Variants in DHRS7C observed in about 807,000 individuals in gnomAD.
DHRS7C encodes the protein dehydrogenase/reductase 7C, also known as dehydrogenase/reductase SDR family member 7C.
Under a neutral mutation model 29.6 loss-of-function variants are expected in DHRS7C, and 28 were observed. The ratio of observed to expected loss-of-function variants is 0.95; its 90% CI spans 0.70 to 1.30. The LOEUF is 1.30. Ranked by LOEUF, DHRS7C falls within the 50% of genes most tolerant of loss-of-function variation. The pLI, the probability that DHRS7C is intolerant of heterozygous loss-of-function variation, is 0.00. For synonymous variants in DHRS7C, 158 were observed against 160.2 expected (o/e 0.99, Z 0.10); for missense variants, 403 against 393.3 (o/e 1.02, Z -0.21).
chr17:9,783,025 G>A (rs1241465657), intron 1 of DHRS7C: 1 of 152,384 alleles, frequency 6.6e-6, no homozygotes, highest in Non-Finnish European at 1.5e-5. Flanking sequence ...GTATTGGAGA[G>A]ATGGAGGAAT....
chr17:9,777,778 T>C (rs1199160600), intron 3 of DHRS7C, among the ~76,000 whole-genome samples: 2 of 152,142 alleles, frequency 1.3e-5, no homozygotes, highest in Non-Finnish European at 1.5e-5. Flanking sequence ...AGTGTGTCTT[T>C]AACGCCTCTC....
intron 5 of DHRS7C, among the ~76,000 whole-genome samples, chr17:9,772,061 C>G (rs969994133): frequency 2.0e-5 from 3 of 152,084 alleles, no homozygotes; most frequent in African/African-American, 7.2e-5. Context: ...TCCTGGAACC[C>G]CTGGTCTGCC....
At chr17:9,787,734 G>T (rs964720044) in intron 1 of DHRS7C, among the ~76,000 whole-genome samples, 1 of 151,998 alleles carries the variant, frequency 6.6e-6, no homozygotes, top group African/African-American at 2.4e-5. Flanking sequence ...TGGGGACAGG[G>T]TCTCACTCTG....
At position 9,771,501 on chromosome 17, in the gene DHRS7C, G is replaced by A. The variant is rs199708738; in HGVS notation, c.923C>T (p.Pro308Leu). The part of the protein sequence containing the change: ...ACGVKEKLNV[P>L]EEG ...GGCCTCCTGCAGTTACCCCTCCTCC[G>A]GGACATTGAGCTTCTCCTTCACCCC... The change falls in exon 6 of 6, where the codon CCG (proline) becomes CTG (leucine). Residue 308 changes from proline (P) to leucine (L), a missense_variant. Coordinates refer to ENST00000571134, the MANE Select transcript of DHRS7C (RefSeq NM_001105571.3). 329 of 1,534,746 alleles carry A rather than the reference G, an allele frequency of 2.1e-4. No homozygotes were observed. Among genetic ancestry groups the A allele is most frequent in the Non-Finnish European group, 2.7e-4 (305 of 1,137,476 alleles).
chr17:9,789,238 A>G (rs1390333749), intron 1 of DHRS7C, among the ~76,000 whole-genome samples: 1 of 152,228 alleles, frequency 6.6e-6, no homozygotes, highest in Non-Finnish European at 1.5e-5. Flanking sequence ...AAGCACTCGC[A>G]GAACCCATAT....
At chr17:9,780,553 T>G (rs1355202000) in intron 2 of DHRS7C, among the ~76,000 whole-genome samples, 1 of 152,228 alleles carries the variant, frequency 6.6e-6, no homozygotes, top group Non-Finnish European at 1.5e-5. Context: ...AGATACTTGC[T>G]GCATCAAGAC....
chr17:9,784,676 A>C (rs1403222225), intron 1 of DHRS7C, among the ~76,000 whole-genome samples: 1 of 152,238 alleles, frequency 6.6e-6, no homozygotes, highest in East Asian at 1.9e-4. Context: ...GGTTAAGGAG[A>C]TGAGTAAGCA....
Position 9,779,996 on chromosome 17 carries a change from T to A in DHRS7C, c.307A>T (p.Ile103Phe), listed in dbSNP as rs1007373715. The change falls in exon 3 of 6, where the codon ATC becomes TTC. Residue 103 changes from isoleucine (I) to phenylalanine (F), a missense_variant. Physicochemically the swap from Ile to Phe is conservative, Grantham distance 21. Transcript: ENST00000571134. ...PKLVLLDLSD[I>F]SCVPDVAKEV... ...TTTGCCACATCTGGGACACAGCTGA[T>A]GTCTGAGAGGTCCAACAGGACCAGC... 6.2e-7 allele frequency: 1 copy of A among 1,613,884 alleles called. No individual in the cohort carries two copies. The highest frequency in any genetic ancestry group is 8.5e-7 in the Non-Finnish European group (1 of 1,179,862).
chr17:9,784,708 A>G (rs949951433), intron 1 of DHRS7C, among the ~76,000 whole-genome samples: 1 of 152,248 alleles, frequency 6.6e-6, no homozygotes, highest in African/African-American at 2.4e-5. Context: ...AAGTATCAAG[A>G]TACAGAAGGT....
Position 9,779,941 on chromosome 17 carries a change from T to C in DHRS7C, c.362A>G (p.Asp121Gly), listed in dbSNP as rs2066384284. The C allele has an allele frequency of 4.3e-6, 7 of 1,613,954 alleles. No homozygotes were observed. The East Asian group carries it at 1.6e-4, about 36-fold the overall frequency. Residue 121 changes from aspartate (D) to glycine (G), a missense_variant, in exon 3 of 6, where the codon GAC (aspartate) becomes GGC (glycine). Physicochemically the swap from Asp to Gly is moderately conservative, Grantham distance 94. Transcript: ENST00000571134. ...CACACTGGCATTGTTGATGAGGATG[T>C]CCACACAGCCATAGCAATCCAGGAC... ...KEVLDCYGCV[D>G]ILINNASVKV...
chr17:9,785,595 C>T (rs553270915), intron 1 of DHRS7C, among the ~76,000 whole-genome samples: 4 of 152,184 alleles, frequency 2.6e-5, no homozygotes, highest in African/African-American at 4.8e-5. Context: ...GTAGACTGCC[C>T]GGGAACCAGG....
chr17:9,789,526 G>A (rs1239174388), intron 1 of DHRS7C, among the ~76,000 whole-genome samples: 1 of 152,112 alleles, frequency 6.6e-6, no homozygotes, highest in East Asian at 1.9e-4. Context: ...TGTATCTAGT[G>A]GACCCACTGA....
intron 1 of DHRS7C, 74 bp downstream of exon 1, chr17:9,791,049 GCGCCCTGC>G: frequency 6.0e-6 from 9 of 1,498,488 alleles, no homozygotes; most frequent in Non-Finnish European, 8.1e-6. Context: ...TGCCCACACA[GCGCCCTGC>G]CGCCCTGCCA....
Position 9,791,245 on chromosome 17 carries a change from G to A in DHRS7C, c.40C>T (p.Leu14=), listed in dbSNP as rs1241949034. The A allele has an allele frequency of 1.9e-6, 3 of 1,612,520 alleles. No homozygotes were observed. Among genetic ancestry groups the A allele is most frequent in the African/African-American group, 2.7e-5 (2 of 74,886 alleles). Residue 14 remains leucine (L), a synonymous_variant, in exon 1 of 6, where the codon CTG becomes TTG. Transcript: ENST00000571134. The part of the protein sequence containing the change: ...MAMLMLPLLL[L]GISGLLFIYQ... ...ATGAAGAGGAGGCCGCTGATTCCCA[G>A]CAGCAGCAGGGGGAGCATCAGCATG...
chr17:9,779,054 C>T (rs778413396), intron 3 of DHRS7C, among the ~76,000 whole-genome samples: 4 of 152,076 alleles, frequency 2.6e-5, no homozygotes, highest in Non-Finnish European at 4.4e-5. Flanking sequence ...GGATTACAGG[C>T]ACCCACCACT....
chr17:9,788,863 G>C (rs1196456332), intron 1 of DHRS7C, among the ~76,000 whole-genome samples: 2 of 152,186 alleles, frequency 1.3e-5, no homozygotes, highest in Non-Finnish European at 2.9e-5. Flanking sequence ...TTACTGCTAA[G>C]TACCGGGACT....
At chr17:9,773,273 A>C (rs1297642952) in intron 4 of DHRS7C, among the ~76,000 whole-genome samples, 1 of 152,006 alleles carries the variant, frequency 6.6e-6, no homozygotes, top group Non-Finnish European at 1.5e-5. Context: ...ATGCCGGCAC[A>C]AACATGAATT....
At position 9,778,244 on chromosome 17, in the gene DHRS7C, A is replaced by G. The variant is rs565604487; in HGVS notation, c.479-959T>C. 1.6e-3 allele frequency among the ~76,000 whole-genome samples: 245 copies of G among 151,926 alleles called. 1 individual carries two copies. The highest frequency in any genetic ancestry group is 2.6e-3 in the Non-Finnish European group (179 of 67,940). On this transcript the variant is annotated intron_variant, in intron 3 of 5. Coordinates refer to ENST00000571134, the MANE Select transcript of DHRS7C (RefSeq NM_001105571.3). Reference sequence around the variant, plus strand: ...GTCTCTACTAAAAAAAATACAAAAAATTACCCAGGCGTGGTGGCGGGCGCC... The same window carrying G: ...GTCTCTACTAAAAAAAATACAAAAAGTTACCCAGGCGTGGTGGCGGGCGCC...
chr17:9,778,499 C>A (rs2066375652), intron 3 of DHRS7C, among the ~76,000 whole-genome samples: 1 of 152,112 alleles, frequency 6.6e-6, no homozygotes, highest in Non-Finnish European at 1.5e-5. Flanking sequence ...AGAGGGCTAA[C>A]CAGGAGGAGA....
Sources: gnomAD v4.1 joint callset for allele counts (sites outside exome capture counted in the v4.1 genomes callset) on GRCh38, gnomAD v4.1.1 for gene constraint, MANE v1.5 for transcripts, NCBI Gene and HGNC (gene_info 2026-07-23, HGNC 2026-07-21) for gene names.